Variants in MED10 observed in about 807,000 individuals in gnomAD.
MED10 encodes mediator of RNA polymerase II transcription subunit 10.
In MED10, 9 loss-of-function variants were observed where a neutral mutation model predicts 17.2. The ratio of observed to expected loss-of-function variants is 0.52; its 90% CI spans 0.31 to 0.91. MED10 has a LOEUF of 0.91. Among genes scored for constraint, MED10 ranks in the 40% least tolerant of loss-of-function variants. MED10 has a pLI of 0.04. For synonymous variants in MED10, 66 were observed against 59.8 expected (o/e 1.10, Z -0.48); for missense variants, 129 against 164.8 (o/e 0.78, Z 1.19).
At chr5:6,373,244 G>A (rs927416477) in intron 3 of MED10, among the ~76,000 whole-genome samples, 26 of 152,128 alleles carry the variant, frequency 1.7e-4, no homozygotes, top group Admixed American at 6.5e-5. Context: ...CACTCGGCCA[G>A]AGCGCCAAGA....
chr5:6,378,309 C>G (rs1036104171), intron 1 of MED10, 53 bp downstream of exon 1: 1 of 1,507,520 alleles, frequency 6.6e-7, no homozygotes, highest in Non-Finnish European at 8.9e-7. Flanking sequence ...CCCTAGCACA[C>G]GCTTCCCGGC....
chr5:6,372,258 G>C lies in MED10; in HGVS notation c.*245C>G. 2.0e-6 allele frequency: 1 copy of C among 497,138 alleles called. No homozygotes were observed. The highest frequency in any genetic ancestry group is 3.3e-5 in the South Asian group (1 of 30,312). The allele number at this position is 497,138 out of a possible 1,614,324, so 30.8% of individuals were successfully genotyped here. A position where few individuals can be genotyped will look rare whatever the true frequency, so the allele number is the denominator to read the frequency against. ...GCCCTCAGAGAGAATGATCCCCACA[G>C]TGATGAGGGGTCAGCACTCTGAAAG... is the stretch of plus-strand genomic sequence containing the variant. On this transcript the variant is annotated 3_prime_UTR_variant, in exon 4 of 4. Coordinates refer to ENST00000255764, the MANE Select transcript of MED10 (RefSeq NM_032286.3).
intron 3 of MED10, among the ~76,000 whole-genome samples, chr5:6,373,260 C>T (rs1737924565): frequency 6.6e-6 from 1 of 152,210 alleles, no homozygotes; most frequent in Non-Finnish European, 1.5e-5. Context: ...CAAGAGGCCA[C>T]TGTGTGACCA....
chr5:6,374,440 A>G lies in MED10; in HGVS notation c.207-14T>C, dbSNP rs768940324. 1.3e-6 allele frequency: 2 copies of G among 1,544,020 alleles called. No homozygotes were observed. Among genetic ancestry groups the G allele is most frequent in the Admixed American group, 1.7e-5 (1 of 59,942 alleles). ...TGATCTATATATCTGGAAACACGAT[A>G]TATTTCAATTAGCATTCTCATGACT... On this transcript the variant is annotated splice_polypyrimidine_tract_variant and intron_variant, in intron 2 of 3. Coordinates refer to ENST00000255764, the MANE Select transcript of MED10 (RefSeq NM_032286.3).
chr5:6,372,452 T>C lies in MED10; in HGVS notation c.*51A>G, dbSNP rs1016553975. The C allele has an allele frequency of 3.3e-6, 5 of 1,516,096 alleles. No individual in the cohort carries two copies. Among genetic ancestry groups the C allele is most frequent in the Non-Finnish European group, 4.6e-6 (5 of 1,091,404 alleles). The allele number at this position is 1,516,096 out of a possible 1,614,324, so 93.9% of individuals were successfully genotyped here. A position where few individuals can be genotyped will look rare whatever the true frequency, so the allele number is the denominator to read the frequency against. ...GGCGTCAGCACTCGCAGTCCCAGCC[T>C]CACGCCGCATCGCAGTCCCAGGGGA... On this transcript the variant is annotated 3_prime_UTR_variant, in exon 4 of 4. Transcript: ENST00000255764.
intron 2 of MED10, chr5:6,374,733 G>A (rs1026700447): frequency 6.8e-5 from 18 of 264,556 alleles, no homozygotes; most frequent in South Asian, 1.1e-4. Flanking sequence ...TTCAAAATTC[G>A]TTCATGCTAT....
At chr5:6,376,937 A>G (rs940189125) in intron 2 of MED10, 2 of 372,792 alleles carry the variant, frequency 5.4e-6, no homozygotes, top group African/African-American at 4.2e-5. Flanking sequence ...ACAATAGAAT[A>G]TTAAGGATAT....
chr5:6,378,109 T>C (rs1174866780), intron 1 of MED10, among the ~76,000 whole-genome samples: 2 of 152,168 alleles, frequency 1.3e-5, no homozygotes, highest in African/African-American at 4.8e-5. Context: ...AAACGTAAAG[T>C]ATATCATCTG....
intron 3 of MED10, 66 bp from the exon 4 acceptor site, chr5:6,372,667 G>T: frequency 7.3e-7 from 1 of 1,370,362 alleles, no homozygotes; most frequent in Non-Finnish European, 1.0e-6. Flanking sequence ...TTTAAAATAT[G>T]CCTTTTGGAA....
chr5:6,377,122 G>A lies in MED10; in HGVS notation c.206+44C>T, dbSNP rs1263259577. 4 of 1,391,182 alleles carry A rather than the reference G, an allele frequency of 2.9e-6. No individual in the cohort carries two copies. In the African/African-American group the frequency reaches 4.3e-5, roughly 15 times the overall value. The allele number at this position is 1,391,182 out of a possible 1,614,324, so 86.2% of individuals were successfully genotyped here. ...GAAGTCACGATACCACACCATAACT[G>A]AACAAGATTTATACCCAAGACTAAT... On this transcript the variant is annotated intron_variant, in intron 2 of 3. Coordinates refer to ENST00000255764, the MANE Select transcript of MED10 (RefSeq NM_032286.3).
intron 1 of MED10, among the ~76,000 whole-genome samples, chr5:6,377,868 T>A (rs536656457): frequency 6.6e-6 from 1 of 152,342 alleles, no homozygotes; most frequent in East Asian, 1.9e-4. Flanking sequence ...TCTGCAACCT[T>A]TCTCAGCACC....
chr5:6,373,307 G>A (rs979061945), intron 3 of MED10, among the ~76,000 whole-genome samples: 7 of 152,188 alleles, frequency 4.6e-5, no homozygotes, highest in East Asian at 1.9e-4. Flanking sequence ...CTGAGCACAC[G>A]TGTCCCAGTC....
At chr5:6,373,500 T>A (rs1455642920) in intron 3 of MED10, among the ~76,000 whole-genome samples, 1 of 152,170 alleles carries the variant, frequency 6.6e-6, no homozygotes, top group African/African-American at 2.4e-5. Flanking sequence ...GGTGAAATCA[T>A]CTGAAACTGG....
At chr5:6,373,935 G>T (rs1429884047) in intron 3 of MED10, among the ~76,000 whole-genome samples, 1 of 152,182 alleles carries the variant, frequency 6.6e-6, no homozygotes, top group Non-Finnish European at 1.5e-5. Context: ...GCTGGACAAA[G>T]AGAAAAATCA....
At chr5:6,374,258 C>T in intron 3 of MED10, 66 bp downstream of exon 3, 6 of 1,127,660 alleles carry the variant, frequency 5.3e-6, no homozygotes, top group Non-Finnish European at 6.8e-6. Context: ...AAATGAGTCT[C>T]TTAACCAAAT....
intron 3 of MED10, 32 bp downstream of exon 3, chr5:6,374,292 C>T (rs779529092): frequency 1.4e-6 from 2 of 1,455,938 alleles, no homozygotes; most frequent in Non-Finnish European, 9.7e-7. Context: ...CATCTCTTCC[C>T]ACTGTATTTC....
intron 1 of MED10, 37 bp downstream of exon 1, chr5:6,378,325 C>G: frequency 6.4e-7 from 1 of 1,558,902 alleles, no homozygotes. Context: ...CCGGCCAGGC[C>G]CTGGGGAGAC....
chr5:6,378,475 C>T lies in MED10; in HGVS notation c.9G>A (p.Glu3=). The T allele has an allele frequency of 1.9e-6, 3 of 1,611,882 alleles. No homozygotes were observed. The highest frequency in any genetic ancestry group is 2.2e-5 in the East Asian group (1 of 44,794). ...GGTGCTCCTCTAGGTGGTCAAACTTCTCCGCCATCGCCTCGGCCCGTCCCC... is the reference window on the plus strand; with the variant it reads ...GGTGCTCCTCTAGGTGGTCAAACTTTTCCGCCATCGCCTCGGCCCGTCCCC... MA[E]KFDHLEEHLE... is the part of the protein sequence containing the mutation. The change falls in exon 1 of 4, where the codon GAG becomes GAA. Residue 3 remains glutamate, a synonymous_variant. Transcript: ENST00000255764.
Position 6,372,203 on chromosome 5 carries a change from T to C in MED10, c.*300A>G, listed in dbSNP as rs539105493. 1 of 314,332 alleles carries C rather than the reference T, an allele frequency of 3.2e-6. No individual in the cohort carries two copies. The highest frequency in any genetic ancestry group is 2.1e-5 in the African/African-American group (1 of 47,198). 19.5% of individuals were successfully genotyped at this position (314,332 alleles called of 1,614,324 possible). On this transcript the variant is annotated 3_prime_UTR_variant, in exon 4 of 4. Transcript: ENST00000255764. ...TTTAATTTACCCATCATATTTAACA[T>C]TTCCAAGACTATTTTCCTGCGCCTC... is the stretch of plus-strand genomic sequence containing the variant.
Sources: gnomAD v4.1 joint callset for allele counts (sites outside exome capture counted in the v4.1 genomes callset) on GRCh38, gnomAD v4.1.1 for gene constraint, MANE v1.5 for transcripts, NCBI Gene and HGNC (gene_info 2026-07-23, HGNC 2026-07-21) for gene names.